EPB41: variants seen among roughly 807,000 people sequenced by gnomAD.
EPB41 encodes the protein erythrocyte membrane protein band 4.1, also known as protein 4.1.
A neutral mutation model predicts 108.0 loss-of-function variants in EPB41; 65 were observed. The ratio of observed to expected loss-of-function variants is 0.60; its 90% CI spans 0.49 to 0.74. The LOEUF is 0.74. Among genes scored for constraint, EPB41 ranks in the 30% least tolerant of loss-of-function variants. The pLI is 0.00. For synonymous variants in EPB41, 336 were observed against 358.9 expected, an observed-to-expected ratio of 0.94 and a Z score of 0.72; for missense variants, 875 against 1,037.0, an observed-to-expected ratio of 0.84 and a Z score of 2.15.
chr1:28,981,075 C>T (rs1179223628), intron 1 of EPB41, among the ~76,000 whole-genome samples: 3 of 152,166 alleles, frequency 2.0e-5, no homozygotes, highest in African/African-American at 7.2e-5. Flanking sequence ...GCCTGTCCTC[C>T]AGGAGCTTTT....
At chr1:28,902,762 A>T (rs572246020) in intron 1 of EPB41, among the ~76,000 whole-genome samples, 2 of 152,206 alleles carry the variant, frequency 1.3e-5, no homozygotes, top group South Asian at 4.2e-4. Flanking sequence ...GGAGGAAATT[A>T]TCCTGGGTTT....
intron 7 of EPB41, among the ~76,000 whole-genome samples, chr1:29,024,973 C>G (rs192599073): frequency 6.6e-6 from 1 of 152,124 alleles, no homozygotes; most frequent in African/African-American, 2.4e-5. Context: ...GGCATTTTAA[C>G]TAATCCAAAG....
intron 1 of EPB41, among the ~76,000 whole-genome samples, chr1:28,906,533 A>C (rs1557631842): frequency 3.3e-5 from 5 of 152,148 alleles, no homozygotes; most frequent in Admixed American, 2.6e-4. Flanking sequence ...ATAGGGTTGG[A>C]GAGGGTCATG....
At chr1:28,919,402 G>T (rs1227443494) in intron 1 of EPB41, among the ~76,000 whole-genome samples, 1 of 151,878 alleles carries the variant, frequency 6.6e-6, no homozygotes, top group Non-Finnish European at 1.5e-5. Flanking sequence ...TAGGAACTGG[G>T]AGCTTGATAT....
At chr1:29,047,298 G>A (rs1643544329) in intron 11 of EPB41, among the ~76,000 whole-genome samples, 1 of 130,538 alleles carries the variant, frequency 7.7e-6, no homozygotes, top group Non-Finnish European at 1.5e-5. Flanking sequence ...CTCTCAGGCT[G>A]GAGTGCAGTA....
chr1:29,082,269 C>T (rs1238632025), intron 16 of EPB41, among the ~76,000 whole-genome samples: 2 of 152,024 alleles, frequency 1.3e-5, no homozygotes, highest in African/African-American at 4.8e-5. Flanking sequence ...GGATTACAGA[C>T]ACCCGCCACC....
intron 1 of EPB41, among the ~76,000 whole-genome samples, chr1:28,925,035 G>A (rs138569529): frequency 0.025 from 3,672 of 149,446 alleles, 147 homozygotes; most frequent in African/African-American, 0.086. Flanking sequence ...GCGCGATCTC[G>A]GCTCACTGCA....
intron 1 of EPB41, among the ~76,000 whole-genome samples, chr1:28,942,315 C>A (rs1226205489): frequency 6.6e-6 from 1 of 152,200 alleles, no homozygotes; most frequent in African/African-American, 2.4e-5. Context: ...GACTGTCTCT[C>A]ATATCAGATG....
intron 1 of EPB41, among the ~76,000 whole-genome samples, chr1:28,984,292 TTC>T (rs1179441594): frequency 6.6e-6 from 1 of 152,188 alleles, no homozygotes; most frequent in Non-Finnish European, 1.5e-5. Context: ...TCTCATGCTT[TTC>T]TGTTTGAGGG....
intron 1 of EPB41, among the ~76,000 whole-genome samples, chr1:28,924,603 C>A (rs2093337061): frequency 1.3e-5 from 2 of 152,278 alleles, no homozygotes; most frequent in South Asian, 4.1e-4. Context: ...TCCACAGAAA[C>A]TGTGCAATAA....
chr1:29,036,038 G>T (rs2150366582), intron 10 of EPB41, 115 bp downstream of exon 10: 1 of 776,530 alleles, frequency 1.3e-6, no homozygotes, highest in East Asian at 2.7e-5. Context: ...TTTAGCTCAG[G>T]TGAGATCATC....
At chr1:29,069,472 G>A (rs1650193423) in intron 16 of EPB41, 1 of 1,208,730 alleles carries the variant, frequency 8.3e-7, no homozygotes, top group Non-Finnish European at 1.0e-6. Context: ...GTGAACCTTG[G>A]AGGGACATTA....
chr1:29,118,876 T>G lies in EPB41; in HGVS notation c.*2064T>G, dbSNP rs1302936048. Reference sequence around the variant, plus strand: ...AAATGCAGCTTACATCAAACGAACATGTAGTGCATGCCCACTGCCTGATGG... The same window carrying G: ...AAATGCAGCTTACATCAAACGAACAGGTAGTGCATGCCCACTGCCTGATGG... On this transcript the variant is annotated 3_prime_UTR_variant, in exon 21 of 21. Transcript: ENST00000343067. 1 of 152,162 alleles carries G rather than the reference T, an allele frequency of 6.6e-6. No homozygotes were observed. The highest frequency in any genetic ancestry group is 1.5e-5 in the Non-Finnish European group (1 of 68,052). The allele number at this position is 152,162 out of a possible 1,614,324, so 9.4% of individuals were successfully genotyped here.
intron 4 of EPB41, among the ~76,000 whole-genome samples, chr1:29,000,172 C>G (rs930368422): frequency 6.6e-6 from 1 of 152,186 alleles, no homozygotes; most frequent in Non-Finnish European, 1.5e-5. Context: ...GATCTCTGCT[C>G]ACTGCAATCT....
rs77510332 is a variant in EPB41, at chr1:29,004,936, C to T, written c.787-6929C>T. On this transcript the variant is annotated intron_variant, in intron 4 of 20. Transcript: ENST00000343067. ...TTTGTATAAATCTCTTATGTGTATG[C>T]GTGGGGGTTTTAGGACCTCCATATA... Among the ~76,000 whole-genome samples the T allele has an allele frequency of 7.3e-3, 1,113 of 152,112 alleles. 15 individuals carry two copies. The highest frequency in any genetic ancestry group is 0.025 in the African/African-American group (1,050 of 41,468).
chr1:29,082,205 A>G (rs993591283), intron 16 of EPB41, among the ~76,000 whole-genome samples: 1 of 150,828 alleles, frequency 6.6e-6, no homozygotes, highest in Non-Finnish European at 1.5e-5. Flanking sequence ...GCTCACTGCA[A>G]CCTCCGCCTC....
At chr1:28,929,813 C>G (rs187902741) in intron 1 of EPB41, among the ~76,000 whole-genome samples, 1 of 145,128 alleles carries the variant, frequency 6.9e-6, no homozygotes, top group African/African-American at 2.5e-5. Flanking sequence ...GGATTACAGG[C>G]GTGAGCCACC....
At chr1:28,888,848 C>T (rs184510068) in intron 1 of EPB41, among the ~76,000 whole-genome samples, 36 of 152,030 alleles carry the variant, frequency 2.4e-4, no homozygotes, top group African/African-American at 8.2e-4. Context: ...AGGATGGTCT[C>T]GATCTCCTGA....
At chr1:29,032,116 GAAAA>G (rs1035816587) in intron 8 of EPB41, among the ~76,000 whole-genome samples, 1 of 140,172 alleles carries the variant, frequency 7.1e-6, no homozygotes, top group African/African-American at 2.7e-5. Flanking sequence ...AAAAAAAAAA[GAAAA>G]AAGTTGTTCT....
Sources: gnomAD v4.1 joint callset for allele counts (sites outside exome capture counted in the v4.1 genomes callset) on GRCh38, gnomAD v4.1.1 for gene constraint, MANE v1.5 for transcripts, NCBI Gene and HGNC (gene_info 2026-07-23, HGNC 2026-07-21) for gene names.